C4BPA: variants seen among roughly 807,000 people sequenced by gnomAD.
C4BPA encodes the protein C4b-binding protein alpha chain.
In C4BPA, 31 loss-of-function variants were observed where a neutral mutation model predicts 63.7. The ratio of observed to expected loss-of-function variants is 0.49; its 90% CI spans 0.37 to 0.66. The LOEUF (loss-of-function observed/expected upper bound fraction) is 0.66, where lower values mean the gene tolerates loss of function less well. Ranked by LOEUF, C4BPA falls within the 30% of genes least tolerant of loss-of-function variation. C4BPA has a pLI of 0.00. For missense variants in C4BPA, 572 were observed against 723.3 expected (o/e 0.79, Z 2.40); for synonymous variants, 259 against 254.7 (o/e 1.02, Z -0.16).
intron 2 of C4BPA, among the ~76,000 whole-genome samples, chr1:207,113,865 C>T (rs1684722425): frequency 6.6e-6 from 1 of 152,006 alleles, no homozygotes; most frequent in Admixed American, 6.6e-5. Context: ...AAAATTCTGC[C>T]TTTTATCATT....
Position 207,141,188 on chromosome 1 carries a change from T to C in C4BPA, c.1356T>C (p.Tyr452=), listed in dbSNP as rs150443366. 276 of 1,613,318 alleles carry C rather than the reference T, an allele frequency of 1.7e-4. 1 individual carries two copies. The East Asian group carries it at 6.0e-3, about 35-fold the overall frequency. ...SYSFFKEEII[Y]ECDKGYILVG... ...GCTTTTTCAAAGAAGAGATTATATA[T>C]GAATGTGATAAAGGCTACATTCTGG... The change falls in exon 10 of 12, where the codon TAT becomes TAC. Residue 452 remains tyrosine, a synonymous_variant. Transcript: ENST00000367070.
intron 4 of C4BPA, 132 bp downstream of exon 4, chr1:207,115,647 A>C: frequency 2.0e-6 from 1 of 499,312 alleles, no homozygotes; most frequent in Non-Finnish European, 3.5e-6. Context: ...TCCTATCTCC[A>C]TACACCACAT....
chr1:207,109,165 C>T (rs963121199), intron 1 of C4BPA, among the ~76,000 whole-genome samples: 1 of 152,230 alleles, frequency 6.6e-6, no homozygotes, highest in African/African-American at 2.4e-5. Context: ...CATTAGATCT[C>T]ACTGTACCAA....
intron 9 of C4BPA, among the ~76,000 whole-genome samples, chr1:207,135,294 C>A (rs571203219): frequency 3.9e-5 from 6 of 152,004 alleles, no homozygotes; most frequent in Admixed American, 6.5e-5. Context: ...GCCGAGATCA[C>A]GCCACTGCAT....
rs1685405992 is a variant in C4BPA at position 207,141,152 on chromosome 1, T to C, written c.1320T>C (p.Ser440=). The change falls in exon 10 of 12, where the codon TCT becomes TCC. Residue 440 remains serine, a synonymous_variant. Transcript: ENST00000367070. ...PKIAHGHYKQ[S]SSYSFFKEEI... is the part of the protein sequence containing the mutation. ...TTGCCCATGGGCATTATAAACAATC[T>C]AGTTCATACAGCTTTTTCAAAGAAG... 1 of 1,613,308 alleles carries C rather than the reference T, an allele frequency of 6.2e-7. No homozygotes were observed. The highest frequency in any genetic ancestry group is 1.7e-5 in the Admixed American group (1 of 59,884).
chr1:207,124,929 C>T (rs770883845), intron 6 of C4BPA, among the ~76,000 whole-genome samples: 7 of 152,054 alleles, frequency 4.6e-5, no homozygotes, highest in South Asian at 2.1e-4. Context: ...GTTCAAGAAG[C>T]GGAAATGAAA....
At chr1:207,128,755 T>C (rs1032984166) in intron 7 of C4BPA, among the ~76,000 whole-genome samples, 9 of 152,104 alleles carry the variant, frequency 5.9e-5, no homozygotes, top group African/African-American at 2.2e-4. Flanking sequence ...TCCAATTATG[T>C]CACTAAACAA....
intron 7 of C4BPA, among the ~76,000 whole-genome samples, chr1:207,130,146 G>T (rs1685129885): frequency 2.0e-5 from 3 of 152,166 alleles, no homozygotes; most frequent in African/African-American, 7.2e-5. Flanking sequence ...GATGCTCATT[G>T]TTTTACTGTG....
chr1:207,128,753 T>C (rs535873013), intron 7 of C4BPA, among the ~76,000 whole-genome samples: 1 of 152,288 alleles, frequency 6.6e-6, no homozygotes, highest in African/African-American at 2.4e-5. Flanking sequence ...AGTCCAATTA[T>C]GTCACTAAAC....
chr1:207,112,931 A>G lies in C4BPA; in HGVS notation c.-25-70A>G, dbSNP rs183954355. ...TTTCCTTGAAGACATGGATCCCATA[A>G]CATTTATTCTAGTGCTTTATGACAA... On this transcript the variant is annotated intron_variant, in intron 1 of 11. Transcript: ENST00000367070. 5.9e-3 allele frequency: 8,114 copies of G among 1,377,948 alleles called. 544 individuals carry two copies. In the South Asian group the frequency reaches 0.11, roughly 19 times the overall value. The allele number at this position is 1,377,948 out of a possible 1,614,324, so 85.4% of individuals were successfully genotyped here.
At chr1:207,125,526 T>G (rs1473322957) in intron 6 of C4BPA, among the ~76,000 whole-genome samples, 1 of 152,144 alleles carries the variant, frequency 6.6e-6, no homozygotes, top group Non-Finnish European at 1.5e-5. Context: ...TCCACCCTCA[T>G]GAATGGGATT....
At chr1:207,104,992 T>G (rs1211420709) in intron 1 of C4BPA, among the ~76,000 whole-genome samples, 1 of 152,244 alleles carries the variant, frequency 6.6e-6, no homozygotes, top group African/African-American at 2.4e-5. Context: ...CCTCATCTTC[T>G]TTACTTTCTG....
At chr1:207,120,011 T>C (rs928611518) in intron 4 of C4BPA, among the ~76,000 whole-genome samples, 2 of 152,198 alleles carry the variant, frequency 1.3e-5, no homozygotes, top group Admixed American at 1.3e-4. Context: ...TTGATTTTAA[T>C]TATAGGGCAT....
Position 207,144,904 on chromosome 1 carries a change from C to A in C4BPA, c.*187C>A. On this transcript the variant is annotated 3_prime_UTR_variant, in exon 12 of 12. Coordinates refer to ENST00000367070, the MANE Select transcript of C4BPA (RefSeq NM_000715.4). ...ATTATTAATCATCCTCTGTGTGGCT[C>A]ATGTTTTTGCTTTTCAACACACAAA... 2.8e-6 allele frequency: 1 copy of A among 361,376 alleles called. No homozygotes were observed. 22.4% of individuals were successfully genotyped at this position (361,376 alleles called of 1,614,324 possible).
intron 2 of C4BPA, 24 bp downstream of exon 2, chr1:207,113,191 A>C: frequency 1.3e-6 from 2 of 1,599,982 alleles, no homozygotes; most frequent in Non-Finnish European, 1.7e-6. Context: ...AACAAGCTCA[A>C]ATCAGCAACA....
intron 2 of C4BPA, 26 bp from the exon 3 acceptor site, chr1:207,114,074 G>A (rs779259212): frequency 6.3e-7 from 1 of 1,598,696 alleles, no homozygotes; most frequent in Non-Finnish European, 8.6e-7. Context: ...ATAAGTTTTG[G>A]TGCTCCTTCT....
At chr1:207,130,661 C>A (rs2495254) in intron 7 of C4BPA, among the ~76,000 whole-genome samples, 39,868 of 151,914 alleles carry the variant, frequency 0.26, 5,398 homozygotes, top group South Asian at 0.29. Context: ...CATGGATGAA[C>A]CTTGAAAATA....
chr1:207,124,649 G>A (rs1363948773), intron 6 of C4BPA, among the ~76,000 whole-genome samples: 1 of 152,184 alleles, frequency 6.6e-6, no homozygotes, highest in Non-Finnish European at 1.5e-5. Flanking sequence ...CATTTACACT[G>A]AGTTTGTTCC....
Position 207,113,053 on chromosome 1 carries a change from G to T in C4BPA, c.28G>T (p.Ala10Ser). Reference sequence around the variant, plus strand: ...GCACCCCCCAAAAACTCCATCTGGGGCTCTTCATAGAAAAAGGAAAATGGC... The same window carrying T: ...GCACCCCCCAAAAACTCCATCTGGGTCTCTTCATAGAAAAAGGAAAATGGC... MHPPKTPSG[A>S]LHRKRKMAAW... is the part of the protein sequence containing the mutation. The change falls in exon 2 of 12, where the codon GCT becomes TCT. Residue 10 changes from alanine (A) to serine (S), a missense_variant. Coordinates refer to ENST00000367070, the MANE Select transcript of C4BPA (RefSeq NM_000715.4). The T allele has an allele frequency of 6.2e-7, 1 of 1,608,198 alleles. No homozygotes were observed. The highest frequency in any genetic ancestry group is 8.5e-7 in the Non-Finnish European group (1 of 1,177,946).
Sources: gnomAD v4.1 joint callset for allele counts (sites outside exome capture counted in the v4.1 genomes callset) on GRCh38, gnomAD v4.1.1 for gene constraint, MANE v1.5 for transcripts, NCBI Gene and HGNC (gene_info 2026-07-23, HGNC 2026-07-21) for gene names.